The following ZNF662 variants were observed in gnomAD, a reference collection of about 807,000 sequenced individuals.
ZNF662 encodes zinc finger protein 662.
ZNF662 carries 14 observed loss-of-function variants against 12.4 expected under a neutral mutation model. That is an observed-to-expected ratio of 1.13 (90% CI 0.75 to 1.77). The LOEUF (loss-of-function observed/expected upper bound fraction) is 1.77. Ranked by LOEUF, ZNF662 falls within the 40% of genes most tolerant of loss-of-function variation. ZNF662 has a pLI of 0.00. For missense variants in ZNF662, 550 were observed against 515.6 expected (o/e 1.07, Z -0.65); for synonymous variants, 184 against 176.4 (o/e 1.04, Z -0.34).
chr3:42,906,980 A>G lies in ZNF662; in HGVS notation c.-94+812A>G, dbSNP rs1485433537. 1.3e-5 allele frequency among the ~76,000 whole-genome samples: 2 copies of G among 152,208 alleles called. No individual in the cohort carries two copies. The highest frequency in any genetic ancestry group is 2.4e-5 in the African/African-American group (1 of 41,470). On this transcript the variant is annotated intron_variant, in intron 1 of 4. Coordinates refer to ENST00000440367, the MANE Select transcript of ZNF662 (RefSeq NM_207404.4). The surrounding 1 kb of genome is among the most constrained non-coding windows in gnomAD (Gnocchi z 4.4). Reference sequence around the variant, plus strand: ...GGAATGTGGACTCTATTAGGCAGACAAAGTTGAGCCAGCCAAAGCCTTGGA... The same window carrying G: ...GGAATGTGGACTCTATTAGGCAGACGAAGTTGAGCCAGCCAAAGCCTTGGA...
chr3:42,912,661 TATATA>T (rs1280036303), intron 3 of ZNF662, among the ~76,000 whole-genome samples: 5 of 62,878 alleles, frequency 8.0e-5, no homozygotes, highest in African/African-American at 2.6e-4. Context: ...TAAATATATA[TATATA>T]TTTTTTATAT....
In ZNF662 at chr3:42,917,882, A is replaced by G. The variant is rs993897884; in HGVS notation, c.*2528A>G. 1.3e-5 allele frequency among the ~76,000 whole-genome samples: 2 copies of G among 152,210 alleles called. No individual in the cohort carries two copies. Among genetic ancestry groups the G allele is most frequent in the Non-Finnish European group, 2.9e-5 (2 of 68,044 alleles). On this transcript the variant is annotated 3_prime_UTR_variant, in exon 5 of 5. Transcript: ENST00000440367. Reference sequence around the variant, plus strand: ...ATCACTTTGGGAGGCCAAGGTGGGCAGATCACCTGAGATTGGGAGTTCAAG... The same window carrying G: ...ATCACTTTGGGAGGCCAAGGTGGGCGGATCACCTGAGATTGGGAGTTCAAG...
At position 42,915,086 on chromosome 3, in the gene ZNF662, G is replaced by A. The variant is rs907696450; in HGVS notation, c.1013G>A (p.Gly338Glu). The A allele has an allele frequency of 4.3e-6, 7 of 1,614,228 alleles. No individual in the cohort carries two copies. In the East Asian group the frequency reaches 1.6e-4, roughly 36 times the overall value. ...GEKPYECKDC[G>E]KGFMWNSDLS... ...AAGCCTTACGAATGTAAGGACTGTG[G>A]GAAGGGCTTCATGTGGAACTCAGAT... Residue 338 changes from glycine (G) to glutamate (E), a missense_variant, in exon 5 of 5, where the codon GGG becomes GAG. Gly to Glu is a moderately conservative substitution (Grantham distance 98). Coordinates refer to ENST00000440367, the MANE Select transcript of ZNF662 (RefSeq NM_207404.4).
chr3:42,908,939 G>T, intron 3 of ZNF662, 30 bp downstream of exon 3: 2 of 1,518,686 alleles, frequency 1.3e-6, no homozygotes, highest in South Asian at 2.3e-5. Context: ...CCGGTCATCT[G>T]ACCAGTTTTC....
intron 2 of ZNF662, 111 bp downstream of exon 2, chr3:42,908,259 G>C (rs2088712049): frequency 4.1e-6 from 6 of 1,473,838 alleles, no homozygotes; most frequent in Non-Finnish European, 5.4e-6. Flanking sequence ...GCAGCTTCAG[G>C]CTCTTGGATT....
In ZNF662 at chr3:42,918,286, G is replaced by C. The variant is rs947620527; in HGVS notation, c.*2932G>C. On this transcript the variant is annotated 3_prime_UTR_variant, in exon 5 of 5. Transcript: ENST00000440367. The stretch of plus-strand genomic sequence containing the variant: ...TAGTCACAGGGACACATTGAAAAGT[G>C]AGGAGGGCAGAATTTATTAAGTGAA... 6.6e-5 allele frequency among the ~76,000 whole-genome samples: 10 copies of C among 152,166 alleles called. No homozygotes were observed. Among genetic ancestry groups the C allele is most frequent in the Admixed American group, 5.2e-4 (8 of 15,282 alleles).
rs1416878750 is a variant in ZNF662 at position 42,907,970 on chromosome 3, C to G, written c.-93-52C>G. Reference sequence around the variant, plus strand: ...TTTTGATGCCCTGTCTCCCCTTCCTCTTGGCCTGGTCCTGGGGTTGTCCTA... The same window carrying G: ...TTTTGATGCCCTGTCTCCCCTTCCTGTTGGCCTGGTCCTGGGGTTGTCCTA... On this transcript the variant is annotated intron_variant, in intron 1 of 4. Coordinates refer to ENST00000440367, the MANE Select transcript of ZNF662 (RefSeq NM_207404.4). 10 of 1,603,902 alleles carry G rather than the reference C, an allele frequency of 6.2e-6. No individual in the cohort carries two copies. The East Asian group carries it at 1.1e-4, about 18-fold the overall frequency.
chr3:42,908,024 G>A lies in ZNF662; in HGVS notation c.-91G>A, dbSNP rs777519992. 6 of 1,614,168 alleles carry A rather than the reference G, an allele frequency of 3.7e-6. No individual in the cohort carries two copies. The Admixed American group carries it at 8.3e-5, about 22-fold the overall frequency. ...CATTTAAACACATGTTGTTTCAGGA[G>A]TCAGTGACCTTCGAGGATGTGGCCG... is the stretch of plus-strand genomic sequence containing the variant. On this transcript the variant is annotated splice_region_variant and 5_prime_UTR_variant, in exon 2 of 5. Transcript: ENST00000440367.
In ZNF662 at chr3:42,906,345, C is replaced by A; in HGVS notation, c.-94+177C>A. ...CGCCCTCGCTTTCCCAGAGGGCGAC[C>A]TGGGCTATGGCGGCCGTGGCGCTGG... On this transcript the variant is annotated intron_variant, in intron 1 of 4. Coordinates refer to ENST00000440367, the MANE Select transcript of ZNF662 (RefSeq NM_207404.4). This position sits in a 1 kb window ranked among gnomAD's most constrained non-coding sequence, Gnocchi z 4.4. The A allele has an allele frequency of 6.5e-7, 1 of 1,529,278 alleles. No individual in the cohort carries two copies. 94.7% of individuals were successfully genotyped at this position (1,529,278 alleles called of 1,614,324 possible).
At position 42,915,552 on chromosome 3, in the gene ZNF662, TG is replaced by T; in HGVS notation, c.*201del. On this transcript the variant is annotated 3_prime_UTR_variant, in exon 5 of 5. Transcript: ENST00000440367. ...ATGTTTTAACAAGGCATCATTTAGTTGGGCAGCTACTCTGTATCAGGTGCTA... is the reference window on the plus strand; with the variant it reads ...ATGTTTTAACAAGGCATCATTTAGTTGGCAGCTACTCTGTATCAGGTGCTA... 1 of 550,962 alleles carries T rather than the reference TG, an allele frequency of 1.8e-6. No individual in the cohort carries two copies. Among genetic ancestry groups the T allele is most frequent in the Non-Finnish European group, 3.1e-6 (1 of 320,496 alleles). 34.1% of individuals were successfully genotyped at this position (550,962 alleles called of 1,614,324 possible). A position where few individuals can be genotyped will look rare whatever the true frequency, so the allele number is the denominator to read the frequency against.
At chr3:42,913,414 C>A in intron 4 of ZNF662, 112 bp downstream of exon 4, 1 of 811,008 alleles carries the variant, frequency 1.2e-6, no homozygotes, top group Non-Finnish European at 2.0e-6. Context: ...ATATGGGGAC[C>A]AGATCCTTAA....
rs888404336 is a variant in ZNF662 at position 42,918,418 on chromosome 3, CT to C, written c.*3065del. On this transcript the variant is annotated 3_prime_UTR_variant, in exon 5 of 5. Coordinates refer to ENST00000440367, the MANE Select transcript of ZNF662 (RefSeq NM_207404.4). ...AGCTGAAGAGCCTAGTCTTCTCCCC[CT>C]GCATGAATTCCTGGTGGCTACACCC... 1.3e-5 allele frequency among the ~76,000 whole-genome samples: 2 copies of C among 152,092 alleles called. No individual in the cohort carries two copies. The highest frequency in any genetic ancestry group is 4.8e-5 in the African/African-American group (2 of 41,440).
At chr3:42,912,663 T>A (rs2088829413) in intron 3 of ZNF662, among the ~76,000 whole-genome samples, 1 of 57,090 alleles carries the variant, frequency 1.8e-5, no homozygotes, top group Non-Finnish European at 3.4e-5. Flanking sequence ...AATATATATA[T>A]ATATTTTTTA....
rs1456540551 is a variant in ZNF662, at chr3:42,906,382, C to A, written c.-94+214C>A. 2.6e-6 allele frequency: 4 copies of A among 1,523,654 alleles called. No individual in the cohort carries two copies. In the African/African-American group the frequency reaches 5.7e-5, roughly 22 times the overall value. The allele number at this position is 1,523,654 out of a possible 1,614,324, so 94.4% of individuals were successfully genotyped here. On this transcript the variant is annotated intron_variant, in intron 1 of 4. Coordinates refer to ENST00000440367, the MANE Select transcript of ZNF662 (RefSeq NM_207404.4). This position sits in a 1 kb window ranked among gnomAD's most constrained non-coding sequence, Gnocchi z 4.4. ...GGCCGTGGCGCTGGCGAGCGGGACA[C>A]GCCTCGGCCTTGTCCTCGAGCTGCT...
chr3:42,914,902 GA>G lies in ZNF662; in HGVS notation c.831del (p.Glu277AspfsTer127). 6.2e-7 allele frequency: 1 copy of G among 1,614,174 alleles called. No individual in the cohort carries two copies. Among genetic ancestry groups the G allele is most frequent in the South Asian group, 1.1e-5 (1 of 91,076 alleles). ...QRIHTGEKPF[E>X]CKECGKGFSQ... ...AATACATACTGGAGAGAAACCCTTT[GA>G]ATGTAAGGAATGTGGGAAGGGCTTT... On this transcript the variant is annotated frameshift_variant, in exon 5 of 5. Transcript: ENST00000440367. LOFTEE classifies it low-confidence loss of function (END_TRUNC).
intron 3 of ZNF662, among the ~76,000 whole-genome samples, chr3:42,910,625 G>T (rs1249882041): frequency 6.6e-6 from 1 of 152,170 alleles, no homozygotes; most frequent in Non-Finnish European, 1.5e-5. Context: ...CCCTCAGCCA[G>T]ATAGTTCCTA....
rs2088871744 is a variant in ZNF662, at chr3:42,914,317, C to A, written c.254-10C>A. On this transcript the variant is annotated splice_polypyrimidine_tract_variant and intron_variant, in intron 4 of 4. Coordinates refer to ENST00000440367, the MANE Select transcript of ZNF662 (RefSeq NM_207404.4). ...ATGATGACATTTGAAGCTCCAATTT[C>A]TTTTTTCAGAGGGTGTGTTGAAGAG... is the stretch of plus-strand genomic sequence containing the variant. 1 of 1,575,408 alleles carries A rather than the reference C, an allele frequency of 6.3e-7. No individual in the cohort carries two copies. The highest frequency in any genetic ancestry group is 8.6e-7 in the Non-Finnish European group (1 of 1,165,890).
intron 3 of ZNF662, among the ~76,000 whole-genome samples, chr3:42,912,225 AAAATATATAT>A (rs2088803553): frequency 7.3e-6 from 1 of 136,080 alleles, no homozygotes; most frequent in Non-Finnish European, 1.5e-5. Flanking sequence ...TCATATAAAT[AAAATATATAT>A]AAATATATAA....
chr3:42,908,413 C>T, intron 2 of ZNF662: 2 of 1,278,700 alleles, frequency 1.6e-6, no homozygotes, highest in Non-Finnish European at 2.0e-6. Context: ...AGAGCAAATT[C>T]ATGGTGCTCC....
Sources: gnomAD v4.1 joint callset for allele counts (sites outside exome capture counted in the v4.1 genomes callset) on GRCh38, gnomAD v4.1.1 for gene constraint, Gnocchi (gnomAD v3.1) non-coding constraint, MANE v1.5 for transcripts, NCBI Gene and HGNC (gene_info 2026-07-23, HGNC 2026-07-21) for gene names.